Variants in PTPRJ observed in about 807,000 individuals in gnomAD.
The protein encoded by PTPRJ is receptor-type tyrosine-protein phosphatase eta.
PTPRJ carries 129 observed loss-of-function variants against 141.3 expected under a neutral mutation model. The ratio of observed to expected loss-of-function variants is 0.91; its 90% CI spans 0.79 to 1.06. The LOEUF is 1.06. Ranked by LOEUF, PTPRJ falls within the 50% of genes least tolerant of loss-of-function variation. PTPRJ has a pLI of 0.00. For missense variants in PTPRJ, 1,601 were observed against 1,679.7 expected, an observed-to-expected ratio of 0.95 and a Z score of 0.82; for synonymous variants, 610 against 640.5, an observed-to-expected ratio of 0.95 and a Z score of 0.72.
chr11:48,142,925 C>T lies in PTPRJ; in HGVS notation c.2450C>T (p.Pro817Leu), dbSNP rs1259021273. ...TTGTTTTGTTTTGTTTTAGATCCCC[C>T]TCCTCCAGATGGATCCCCTAATATT... The part of the protein sequence containing the change: ...NTCTTGITDP[P>L]PPDGSPNITS... Residue 817 changes from proline to leucine, a missense_variant, in exon 12 of 25, where the codon CCT becomes CTT. Transcript: ENST00000418331. 6.2e-7 allele frequency: 1 copy of T among 1,613,536 alleles called. No individual in the cohort carries two copies. Among genetic ancestry groups the T allele is most frequent in the East Asian group, 2.2e-5 (1 of 44,840 alleles).
chr11:48,060,427 TC>T (rs1244433828), intron 1 of PTPRJ, among the ~76,000 whole-genome samples: 1 of 152,046 alleles, frequency 6.6e-6, no homozygotes, highest in Non-Finnish European at 1.5e-5. Flanking sequence ...GTTTTTTTTT[TC>T]TAAAGATCCA....
chr11:48,089,936 C>A (rs946488356), intron 1 of PTPRJ, among the ~76,000 whole-genome samples: 1 of 152,182 alleles, frequency 6.6e-6, no homozygotes, highest in African/African-American at 2.4e-5. Context: ...TTATCATATA[C>A]CCCAAAGTGC....
intron 1 of PTPRJ, among the ~76,000 whole-genome samples, chr11:48,026,349 A>C (rs1329594385): frequency 6.6e-6 from 1 of 152,180 alleles, no homozygotes; most frequent in Non-Finnish European, 1.5e-5. Flanking sequence ...TGAGAGGAGC[A>C]GGTAAAGCTG....
intron 1 of PTPRJ, among the ~76,000 whole-genome samples, chr11:48,036,088 G>T (rs61649224): frequency 6.6e-6 from 1 of 152,092 alleles, no homozygotes; most frequent in Admixed American, 6.5e-5. Context: ...AGTCTTAGGG[G>T]AATGCTGGAC....
intron 8 of PTPRJ, among the ~76,000 whole-genome samples, chr11:48,135,645 C>T (rs1216691007): frequency 6.6e-6 from 1 of 152,070 alleles, no homozygotes; most frequent in Non-Finnish European, 1.5e-5. Flanking sequence ...CCACACCCAA[C>T]TAATTTTTGT....
chr11:48,040,657 G>A (rs570839206), intron 1 of PTPRJ, among the ~76,000 whole-genome samples: 46 of 147,172 alleles, frequency 3.1e-4, no homozygotes, highest in African/African-American at 1.1e-3. Flanking sequence ...GCTGGAGTGC[G>A]ATGGTGCAGT....
rs144166519 is a variant in PTPRJ, at chr11:47,985,944, G to A, written c.96+4936G>A. On this transcript the variant is annotated intron_variant, in intron 1 of 24. Coordinates refer to ENST00000418331, the MANE Select transcript of PTPRJ (RefSeq NM_002843.4). ...TTGAACTCCCAACCTCAGGTGATCC[G>A]CCCACCTCGGCCTCCCAAAGTGCTG... Among the ~76,000 whole-genome samples, 33 of 152,062 alleles carry A rather than the reference G, an allele frequency of 2.2e-4. 1 individual carries two copies. The East Asian group carries it at 6.2e-3, about 29-fold the overall frequency.
At chr11:48,065,478 G>A (rs978894425) in intron 1 of PTPRJ, among the ~76,000 whole-genome samples, 7 of 151,970 alleles carry the variant, frequency 4.6e-5, no homozygotes, top group African/African-American at 1.5e-4. Context: ...ACAGATTCAC[G>A]TTTACATGTT....
At chr11:48,028,285 C>G (rs1334521467) in intron 1 of PTPRJ, among the ~76,000 whole-genome samples, 3 of 152,218 alleles carry the variant, frequency 2.0e-5, no homozygotes, top group Non-Finnish European at 4.4e-5. Flanking sequence ...ACTGTCCTCT[C>G]TCCTCATGGG....
chr11:47,982,407 C>G (rs1305076351), intron 1 of PTPRJ, among the ~76,000 whole-genome samples: 1 of 152,154 alleles, frequency 6.6e-6, no homozygotes, highest in Non-Finnish European at 1.5e-5. Flanking sequence ...TGGCCAATGT[C>G]TAAAAGAACT....
chr11:48,127,796 T>G lies in PTPRJ; in HGVS notation c.1110T>G (p.Phe370Leu), dbSNP rs1856877350. 6.2e-7 allele frequency: 1 copy of G among 1,614,178 alleles called. No homozygotes were observed. The highest frequency in any genetic ancestry group is 2.2e-5 in the East Asian group (1 of 44,886). ...TTCTCACAGATGCTATTCAGGTTTT[T>G]GACGTCACCGCTGTGAACATCAGTG... ...IEFRTNAIQV[F>L]DVTAVNISAT... is the part of the protein sequence containing the mutation. Residue 370 changes from phenylalanine (F) to leucine (L), a missense_variant, in exon 7 of 25, where the codon TTT becomes TTG. Coordinates refer to ENST00000418331, the MANE Select transcript of PTPRJ (RefSeq NM_002843.4).
intron 6 of PTPRJ, among the ~76,000 whole-genome samples, chr11:48,126,176 C>G (rs1026168809): frequency 5.3e-5 from 8 of 152,218 alleles, no homozygotes; most frequent in African/African-American, 1.9e-4. Context: ...TGGGTCCAGC[C>G]AGGGGAAGGT....
At chr11:48,074,996 A>C (rs974024443) in intron 1 of PTPRJ, among the ~76,000 whole-genome samples, 53 of 152,300 alleles carry the variant, frequency 3.5e-4, no homozygotes, top group Middle Eastern at 3.4e-3. Flanking sequence ...GTTCCTTTGC[A>C]TACAGGGGAG....
intron 21 of PTPRJ, 74 bp from the exon 22 acceptor site, chr11:48,159,856 T>C (rs1857721282): frequency 6.4e-7 from 1 of 1,566,820 alleles, no homozygotes; most frequent in Non-Finnish European, 8.7e-7. Context: ...CAATAGCCAG[T>C]CTCCCTTGTG....
chr11:48,059,074 G>T (rs114849168), intron 1 of PTPRJ, among the ~76,000 whole-genome samples: 2 of 141,696 alleles, frequency 1.4e-5, no homozygotes, highest in African/African-American at 5.3e-5. Flanking sequence ...AGCTCCTCCC[G>T]ATCAGTACTC....
intron 1 of PTPRJ, among the ~76,000 whole-genome samples, chr11:48,018,082 T>C (rs900699): frequency 0.047 from 7,218 of 152,116 alleles, 186 homozygotes; most frequent in Middle Eastern, 0.092. Context: ...ACTTGGAAAA[T>C]AGAGGAAAAG....
In PTPRJ at chr11:47,996,039, CA is replaced by C. The variant is rs750897866; in HGVS notation, c.96+15043del. 2.8e-3 allele frequency among the ~76,000 whole-genome samples: 329 copies of C among 115,656 alleles called. 1 individual carries two copies. The highest frequency in any genetic ancestry group is 3.4e-3 in the Admixed American group (35 of 10,320). The allele number at this position is 115,656 out of a possible 152,430, so 75.9% of individuals were successfully genotyped here. A position where few individuals can be genotyped will look rare whatever the true frequency, so the allele number is the denominator to read the frequency against. ...GGCAACAAGAATGAAACTCCATCTC[CA>C]AAAAAAAAAAAGGCTGGGTGCGGTG... On this transcript the variant is annotated intron_variant, in intron 1 of 24. Coordinates refer to ENST00000418331, the MANE Select transcript of PTPRJ (RefSeq NM_002843.4).
chr11:48,005,337 C>T (rs1007437638), intron 1 of PTPRJ, among the ~76,000 whole-genome samples: 3 of 152,184 alleles, frequency 2.0e-5, no homozygotes, highest in Non-Finnish European at 4.4e-5. Context: ...CCCATGCCCA[C>T]GAGTGCTCAC....
chr11:48,007,154 G>A lies in PTPRJ; in HGVS notation c.96+26146G>A, dbSNP rs912021392. 4.6e-5 allele frequency among the ~76,000 whole-genome samples: 7 copies of A among 151,982 alleles called. No individual in the cohort carries two copies. The South Asian group carries it at 1.0e-3, about 23-fold the overall frequency. On this transcript the variant is annotated intron_variant, in intron 1 of 24. Coordinates refer to ENST00000418331, the MANE Select transcript of PTPRJ (RefSeq NM_002843.4). ...CTCGCTTTGTCTCCCAGGCTGGAGT[G>A]CAGTGGCGCAATCTCTGCTCACTGC...
Sources: allele counts gnomAD v4.1 joint callset (sites outside exome capture counted in the v4.1 genomes callset), GRCh38; gene constraint gnomAD v4.1.1; transcripts MANE v1.5; gene names NCBI Gene and HGNC (gene_info 2026-07-23, HGNC 2026-07-21).